Variants in TSHZ2 observed in about 807,000 individuals in gnomAD.
TSHZ2 encodes the protein teashirt zinc finger homeobox 2.
Under a neutral mutation model 74.4 loss-of-function variants are expected in TSHZ2, and 21 were observed. The ratio of observed to expected loss-of-function variants is 0.28; its 90% CI spans 0.20 to 0.41. TSHZ2 has a LOEUF of 0.41. Among genes scored for constraint, TSHZ2 ranks in the 10% least tolerant of loss-of-function variants. The pLI is 1.00. For synonymous variants in TSHZ2, 540 were observed against 515.3 expected (o/e 1.05, Z -0.65); for missense variants, 1,244 against 1,293.5 (o/e 0.96, Z 0.59).
chr20:53,026,508 C>T (rs529377007), intron 1 of TSHZ2, among the ~76,000 whole-genome samples: 12 of 152,050 alleles, frequency 7.9e-5, no homozygotes, highest in Admixed American at 7.2e-4. Context: ...CACATCACCA[C>T]GTCCAGCTAA....
chr20:52,992,356 T>A (rs1039444154), intron 1 of TSHZ2, among the ~76,000 whole-genome samples: 1 of 152,212 alleles, frequency 6.6e-6, no homozygotes, highest in Non-Finnish European at 1.5e-5. Context: ...TGTAGTAGGA[T>A]CTTAGTAAAT....
chr20:53,465,515 C>T (rs1427832071), intron 2 of TSHZ2, among the ~76,000 whole-genome samples: 1 of 152,160 alleles, frequency 6.6e-6, no homozygotes, highest in Non-Finnish European at 1.5e-5. Context: ...AAGTGAGCCA[C>T]CTGCCTCGGC....
chr20:53,005,149 T>C (rs1982594273), intron 1 of TSHZ2, among the ~76,000 whole-genome samples: 1 of 151,716 alleles, frequency 6.6e-6, no homozygotes, highest in Non-Finnish European at 1.5e-5. Context: ...CTGTCTCTAC[T>C]AAAAATACAA....
chr20:53,452,226 C>A (rs1310444002), intron 2 of TSHZ2, among the ~76,000 whole-genome samples: 1 of 152,180 alleles, frequency 6.6e-6, no homozygotes, highest in Non-Finnish European at 1.5e-5. Context: ...GGCCCAGGGG[C>A]CAGACTTAGA....
chr20:53,142,129 G>C (rs542448810), intron 1 of TSHZ2, among the ~76,000 whole-genome samples: 1 of 151,330 alleles, frequency 6.6e-6, no homozygotes, highest in South Asian at 2.2e-4. Context: ...ACCTCAAAAT[G>C]ACTTAAGGAA....
chr20:53,179,061 T>C (rs1348089330), intron 1 of TSHZ2: 1 of 152,190 alleles, frequency 6.6e-6, no homozygotes, highest in East Asian at 1.9e-4. Context: ...CTTTTCTTTT[T>C]AGTTTATCTT....
chr20:53,023,490 C>T (rs1983319065), intron 1 of TSHZ2, among the ~76,000 whole-genome samples: 1 of 152,132 alleles, frequency 6.6e-6, no homozygotes, highest in African/African-American at 2.4e-5. Context: ...TTTTTAGCCT[C>T]TACGCAGGAG....
intron 1 of TSHZ2, among the ~76,000 whole-genome samples, chr20:53,021,691 A>G (rs759026442): frequency 1.2e-4 from 19 of 152,208 alleles, no homozygotes; most frequent in African/African-American, 4.3e-4. Context: ...CATAAGTCCA[A>G]TGAATATATT....
intron 1 of TSHZ2, among the ~76,000 whole-genome samples, chr20:53,204,080 T>TTTATATCATATGATGATATACTA (rs1989078508): frequency 2.3e-5 from 1 of 43,180 alleles, no homozygotes; most frequent in Non-Finnish European, 4.3e-5. Context: ...TATGATACTA[T>TTTATATCATATGATGATATACTA]TTATATCATC....
rs1047382488 is a variant in TSHZ2, at chr20:52,977,449, C to T, written c.40+4116C>T. On this transcript the variant is annotated intron_variant, in intron 1 of 2. Coordinates refer to ENST00000371497, the MANE Select transcript of TSHZ2 (RefSeq NM_173485.6). The stretch of plus-strand genomic sequence containing the variant: ...ACACACACACACACACACACACACA[C>T]ACACACACACACACACACACGCATG... Among the ~76,000 whole-genome samples, 10 of 151,532 alleles carry T rather than the reference C, an allele frequency of 6.6e-5. No individual in the cohort carries two copies. The South Asian group carries it at 2.1e-3, about 32-fold the overall frequency.
chr20:53,036,766 G>C (rs1433745019), intron 1 of TSHZ2, among the ~76,000 whole-genome samples: 1 of 147,272 alleles, frequency 6.8e-6, no homozygotes, highest in African/African-American at 2.5e-5. Context: ...ATTACATAAA[G>C]TATATATTAT....
chr20:53,190,135 A>ATTTTTTTT (rs1568803527), intron 1 of TSHZ2, among the ~76,000 whole-genome samples: 1 of 89,902 alleles, frequency 1.1e-5, no homozygotes, highest in African/African-American at 4.3e-5. Context: ...ATATATATAT[A>ATTTTTTTT]TATTTTCTTA....
chr20:53,110,483 A>T (rs1262137952), intron 1 of TSHZ2, among the ~76,000 whole-genome samples: 2 of 152,334 alleles, frequency 1.3e-5, no homozygotes, highest in Middle Eastern at 3.4e-3. Context: ...AAGGAAAAAA[A>T]TAAATTATGT....
At chr20:53,327,020 G>A (rs1217069805) in intron 2 of TSHZ2, among the ~76,000 whole-genome samples, 6 of 152,202 alleles carry the variant, frequency 3.9e-5, no homozygotes, top group Non-Finnish European at 1.5e-5. Flanking sequence ...AGAAGGTTGT[G>A]GAAACCGTAC....
At position 53,291,472 on chromosome 20, in the gene TSHZ2, CAAA is replaced by C. The variant is rs11478745; in HGVS notation, c.*8+34918_*8+34920del. 1.4e-3 allele frequency among the ~76,000 whole-genome samples: 142 copies of C among 101,712 alleles called. 1 individual carries two copies. The highest frequency in any genetic ancestry group is 3.9e-3 in the African/African-American group (112 of 28,708). The allele number at this position is 101,712 out of a possible 152,430, so 66.7% of individuals were successfully genotyped here. On this transcript the variant is annotated intron_variant, in intron 2 of 2. Transcript: ENST00000371497. ...TGGACGATAGAGCAAGACTCTGTCT[CAAA>C]AAAAAAAAAAAAAAAAGATCAAGAG...
At chr20:53,382,687 A>C (rs910196484) in intron 2 of TSHZ2, among the ~76,000 whole-genome samples, 1 of 152,242 alleles carries the variant, frequency 6.6e-6, no homozygotes, top group African/African-American at 2.4e-5. Flanking sequence ...TGTCTGGATT[A>C]TATCACTCAG....
At position 53,489,519 on chromosome 20, in the gene TSHZ2, G is replaced by A. The variant is rs1986390691; in HGVS notation, c.*2384G>A. The A allele has an allele frequency of 1.4e-5, 3 of 216,340 alleles. No homozygotes were observed. Among genetic ancestry groups the A allele is most frequent in the Middle Eastern group, 1.9e-3 (1 of 540 alleles). The allele number at this position is 216,340 out of a possible 1,614,324, so 13.4% of individuals were successfully genotyped here. A position where few individuals can be genotyped will look rare whatever the true frequency, so the allele number is the denominator to read the frequency against. On this transcript the variant is annotated 3_prime_UTR_variant, in exon 3 of 3. Coordinates refer to ENST00000371497, the MANE Select transcript of TSHZ2 (RefSeq NM_173485.6). ...GATCTCACTGCAACCATCCAAAAGTGGATTCTCGAGCCCTTGCTCCAATGG... is the reference window on the plus strand; with the variant it reads ...GATCTCACTGCAACCATCCAAAAGTAGATTCTCGAGCCCTTGCTCCAATGG...
At chr20:53,082,791 A>G (rs1985577866) in intron 1 of TSHZ2, among the ~76,000 whole-genome samples, 1 of 152,248 alleles carries the variant, frequency 6.6e-6, no homozygotes, top group African/African-American at 2.4e-5. Context: ...CTATGAAATC[A>G]CAAAGTCCGT....
chr20:53,107,871 G>A (rs998116206), intron 1 of TSHZ2, among the ~76,000 whole-genome samples: 1 of 152,088 alleles, frequency 6.6e-6, no homozygotes, highest in Non-Finnish European at 1.5e-5. Context: ...TTTCTTTCTG[G>A]CTCCCCAAGT....
Sources: gnomAD v4.1 joint callset for allele counts (sites outside exome capture counted in the v4.1 genomes callset) on GRCh38, gnomAD v4.1.1 for gene constraint, MANE v1.5 for transcripts, NCBI Gene and HGNC (gene_info 2026-07-23, HGNC 2026-07-21) for gene names.